Variants in BAZ2B observed in about 807,000 individuals in gnomAD.
BAZ2B encodes the protein bromodomain adjacent to zinc finger domain 2B.
BAZ2B carries 91 observed loss-of-function variants against 246.0 expected under a neutral mutation model. The observed-to-expected ratio is 0.37, with a 90% CI of 0.31 to 0.44. The LOEUF (loss-of-function observed/expected upper bound fraction) is 0.44, where lower values mean the gene tolerates loss of function less well. Ranked by LOEUF, BAZ2B falls within the 20% of genes least tolerant of loss-of-function variation. The pLI is 1.00. For synonymous variants in BAZ2B, 855 were observed against 860.0 expected, an observed-to-expected ratio of 0.99 and a Z score of 0.10; for missense variants, 2,332 against 2,533.7, an observed-to-expected ratio of 0.92 and a Z score of 1.71.
intron 2 of BAZ2B, among the ~76,000 whole-genome samples, chr2:159,527,953 TAAAGGCA>T (rs1189435823): frequency 6.6e-6 from 1 of 152,196 alleles, no homozygotes; most frequent in East Asian, 1.9e-4. Flanking sequence ...CAGCACTCAG[TAAAGGCA>T]AAAGGACTAT....
chr2:159,361,185 T>C (rs2059651291), intron 27 of BAZ2B, among the ~76,000 whole-genome samples: 1 of 152,166 alleles, frequency 6.6e-6, no homozygotes, highest in African/African-American at 2.4e-5. Context: ...TGGGAGAAGA[T>C]TTTTGCAATC....
intron 1 of BAZ2B, among the ~76,000 whole-genome samples, chr2:159,593,319 T>C (rs1231208244): frequency 2.0e-5 from 3 of 152,210 alleles, no homozygotes; most frequent in Non-Finnish European, 4.4e-5. Flanking sequence ...ATTCCATCAG[T>C]TGAAATCTTA....
At chr2:159,619,794 C>T (rs983307341), upstream of BAZ2B, among the ~76,000 whole-genome samples, 3 of 151,788 alleles carry the variant, frequency 2.0e-5, no homozygotes, top group African/African-American at 7.3e-5. Context: ...CATACTTTAT[C>T]ATTTCAGAGA....
At chr2:159,660,726 A>G in the BAZ2B span, among the ~76,000 whole-genome samples, 23 of 152,196 alleles carry the variant, frequency 1.5e-4, 1 homozygote, top group South Asian at 3.1e-3. Flanking sequence ...CAGCCTCCTG[A>G]GTAGCTGGGA....
intron 3 of BAZ2B, among the ~76,000 whole-genome samples, chr2:159,454,685 C>T (rs1199221255): frequency 6.6e-6 from 1 of 151,810 alleles, no homozygotes; most frequent in East Asian, 1.9e-4. Context: ...ATCTTGATAC[C>T]AAAAAGGGAA....
chr2:159,360,799 C>T (rs1420239703), intron 27 of BAZ2B, among the ~76,000 whole-genome samples: 2 of 152,142 alleles, frequency 1.3e-5, no homozygotes, highest in African/African-American at 4.8e-5. Context: ...TAATGCCACA[C>T]ATCTACAACC....
At chr2:159,450,648 T>G (rs1272920745) in intron 4 of BAZ2B, among the ~76,000 whole-genome samples, 1 of 151,268 alleles carries the variant, frequency 6.6e-6, no homozygotes, top group Non-Finnish European at 1.5e-5. Context: ...GTTGACAAAA[T>G]GAAAAATACA....
chr2:159,628,959 A>C, the BAZ2B span, among the ~76,000 whole-genome samples: 1 of 152,246 alleles, frequency 6.6e-6, no homozygotes, highest in Non-Finnish European at 1.5e-5. Context: ...CAAAGAGCTT[A>C]AACAAATTTA....
At chr2:159,413,595 C>T (rs2067164889) in intron 13 of BAZ2B, among the ~76,000 whole-genome samples, 1 of 152,124 alleles carries the variant, frequency 6.6e-6, no homozygotes, top group Non-Finnish European at 1.5e-5. Flanking sequence ...GTAATCCCAG[C>T]TACTCGGGAG....
At chr2:159,486,538 G>GTT (rs1261120034) in intron 2 of BAZ2B, among the ~76,000 whole-genome samples, 2 of 151,022 alleles carry the variant, frequency 1.3e-5, no homozygotes, top group Non-Finnish European at 3.0e-5. Context: ...AGAACAAAGT[G>GTT]GGGATAACAG....
At chr2:159,467,421 C>T (rs556393482) in intron 3 of BAZ2B, among the ~76,000 whole-genome samples, 1 of 151,626 alleles carries the variant, frequency 6.6e-6, no homozygotes, top group African/African-American at 2.4e-5. Context: ...ACGGGCCTTT[C>T]CCCCCCAGGT....
chr2:159,449,359 G>A (rs1438817521), intron 4 of BAZ2B, among the ~76,000 whole-genome samples: 1 of 152,066 alleles, frequency 6.6e-6, no homozygotes, highest in African/African-American at 2.4e-5. Context: ...AAAAGATATG[G>A]GGTATTTTTC....
intron 2 of BAZ2B, among the ~76,000 whole-genome samples, chr2:159,520,404 G>C (rs1290190612): frequency 6.6e-6 from 1 of 151,956 alleles, no homozygotes; most frequent in Non-Finnish European, 1.5e-5. Flanking sequence ...GACTCTACTT[G>C]AAGGGCCCAT....
At chr2:159,459,250 GCACAAAGCAAA>G (rs2076140847) in intron 3 of BAZ2B, 1 of 152,110 alleles carries the variant, frequency 6.6e-6, no homozygotes, top group Non-Finnish European at 1.5e-5. Flanking sequence ...ACAAAACATT[GCACAAAGCAAA>G]CTGTTATCAG....
At chr2:159,564,351 ATG>A (rs2090159288) in intron 1 of BAZ2B, among the ~76,000 whole-genome samples, 1 of 152,116 alleles carries the variant, frequency 6.6e-6, no homozygotes, top group Admixed American at 6.5e-5. Context: ...GTTATTCTAC[ATG>A]TGCTGAAAGC....
the BAZ2B span, among the ~76,000 whole-genome samples, chr2:159,657,777 A>C: frequency 6.6e-6 from 1 of 152,220 alleles, no homozygotes; most frequent in African/African-American, 2.4e-5. Context: ...CTGGAATATA[A>C]GAAAGCAACT....
rs147151421 is a variant in BAZ2B, at chr2:159,477,489, C to T, written c.145+1086G>A. ...TTTGTCATTCCATTGATTGGAAAAA[C>T]AAAAATAAATGAAAACATTTATTTG... On this transcript the variant is annotated intron_variant, in intron 3 of 36. Transcript: ENST00000392783. Among the ~76,000 whole-genome samples, 702 of 151,570 alleles carry T rather than the reference C, an allele frequency of 4.6e-3. 3 individuals are homozygous for T. The highest frequency in any genetic ancestry group is 0.01 in the Admixed American group (155 of 15,220).
chr2:159,557,582 G>A (rs761960969), intron 1 of BAZ2B, among the ~76,000 whole-genome samples: 2 of 152,062 alleles, frequency 1.3e-5, no homozygotes, highest in Non-Finnish European at 1.5e-5. Flanking sequence ...TCATAGGACT[G>A]GTTTTCTCAC....
Position 159,349,167 on chromosome 2 carries a change from C to T in BAZ2B, c.4977G>A (p.Gly1659=). Residue 1659 remains glycine, a synonymous_variant, in exon 29 of 37, where the codon GGG becomes GGA. Transcript: ENST00000392783. Reference sequence around the variant, plus strand: ...ATGAATTACCATTTCCTTCTGATAACCCTAACCCCGATCCTAGACTAGGTA... The same window carrying T: ...ATGAATTACCATTTCCTTCTGATAATCCTAACCCCGATCCTAGACTAGGTA... The part of the protein sequence containing the change: ...SSVPSLGSGL[G]LSEGNGNSFL... 1 of 1,614,034 alleles carries T rather than the reference C, an allele frequency of 6.2e-7. No individual in the cohort carries two copies. The highest frequency in any genetic ancestry group is 2.2e-5 in the East Asian group (1 of 44,870).
Sources: allele counts gnomAD v4.1 joint callset (sites outside exome capture counted in the v4.1 genomes callset), GRCh38; gene constraint gnomAD v4.1.1; transcripts MANE v1.5; gene names NCBI Gene and HGNC (gene_info 2026-07-23, HGNC 2026-07-21).